Variants in MSH3 observed in about 807,000 individuals in gnomAD.
The protein encoded by MSH3 is DNA mismatch repair protein Msh3.
In MSH3, 106 loss-of-function variants were observed where a neutral mutation model predicts 123.3. That is an observed-to-expected ratio of 0.86 (90% CI 0.73 to 1.01). The LOEUF (loss-of-function observed/expected upper bound fraction) is 1.01. MSH3 is among the 50% of genes least tolerant of loss of function. The probability of loss-of-function intolerance (pLI) is 0.00; values close to 1 mark genes in which losing one functional copy is unlikely to be tolerated. For missense variants in MSH3, 1,459 were observed against 1,347.6 expected, an observed-to-expected ratio of 1.08 and a Z score of -1.29; for synonymous variants, 515 against 481.4, an observed-to-expected ratio of 1.07 and a Z score of -0.91.
In MSH3 at chr5:80,781,165, A is replaced by G. The variant is rs189767857; in HGVS notation, c.2435+2329A>G. ...TTTTCTATTTCACTTTTAATTTTCT[A>G]TTTTAAGGGTTTTCAGGGCCTTTGA... is the stretch of plus-strand genomic sequence containing the variant. On this transcript the variant is annotated intron_variant, in intron 17 of 23. Transcript: ENST00000265081. Among the ~76,000 whole-genome samples the G allele has an allele frequency of 3.4e-3, 520 of 152,128 alleles. 2 individuals carry two copies. The highest frequency in any genetic ancestry group is 0.012 in the African/African-American group (497 of 41,498).
At chr5:80,813,232 A>G (rs1419422108) in intron 19 of MSH3, among the ~76,000 whole-genome samples, 1 of 152,180 alleles carries the variant, frequency 6.6e-6, no homozygotes. Flanking sequence ...TAGATATGTA[A>G]TACCTGTTGT....
rs1033869568 is a variant in MSH3, at chr5:80,858,230, T to C, written c.3000+3914T>C. Among the ~76,000 whole-genome samples the C allele has an allele frequency of 8.6e-5, 13 of 151,966 alleles. 1 individual carries two copies. The highest frequency in any genetic ancestry group is 4.4e-5 in the Non-Finnish European group (3 of 67,958). ...CAGCTAATTTCACTTTTATTTTTTA[T>C]AGAGATTGGGGTCTCACTATGTTGC... On this transcript the variant is annotated intron_variant, in intron 21 of 23. Transcript: ENST00000265081.
intron 19 of MSH3, among the ~76,000 whole-genome samples, chr5:80,801,176 G>A (rs1744783280): frequency 6.6e-6 from 1 of 152,096 alleles, no homozygotes; most frequent in Admixed American, 6.5e-5. Context: ...TCTGGATGAG[G>A]GCTTTTAGCA....
At position 80,813,607 on chromosome 5, in the gene MSH3, A is replaced by G. The variant is rs747341239; in HGVS notation, c.2679A>G (p.Ile893Met). 1.2e-6 allele frequency: 2 copies of G among 1,614,168 alleles called. No individual in the cohort carries two copies. The highest frequency in any genetic ancestry group is 1.7e-6 in the Non-Finnish European group (2 of 1,180,026). Reference sequence around the variant, plus strand: ...AGGAGGACTCAGAGAGAGTAATGATAATTACCGGACCAAACATGGGTGGAA... The same window carrying G: ...AGGAGGACTCAGAGAGAGTAATGATGATTACCGGACCAAACATGGGTGGAA... ...DLSEDSERVM[I>M]ITGPNMGGKS... Residue 893 changes from isoleucine (I) to methionine (M), a missense_variant, in exon 20 of 24, where the codon ATA becomes ATG. Ile to Met is a conservative substitution (Grantham distance 10). Transcript: ENST00000265081.
At chr5:80,748,837 T>C (rs1743773459) in intron 12 of MSH3, among the ~76,000 whole-genome samples, 1 of 152,008 alleles carries the variant, frequency 6.6e-6, no homozygotes, top group African/African-American at 2.4e-5. Flanking sequence ...GAGTCTGTGT[T>C]CCAGACTCAT....
At chr5:80,819,523 A>G (rs1745167709) in intron 20 of MSH3, among the ~76,000 whole-genome samples, 4 of 149,576 alleles carry the variant, frequency 2.7e-5, no homozygotes, top group Admixed American at 1.3e-4. Context: ...CTGTCGCCCA[A>G]GCTGGAGTGC....
chr5:80,846,314 G>T (rs1257205255), intron 20 of MSH3, among the ~76,000 whole-genome samples: 1 of 151,778 alleles, frequency 6.6e-6, no homozygotes, highest in Non-Finnish European at 1.5e-5. Flanking sequence ...TGAGGTGTCT[G>T]TCGGTCCCTA....
intron 17 of MSH3, among the ~76,000 whole-genome samples, chr5:80,784,211 G>A (rs1392748357): frequency 5.1e-5 from 1 of 19,726 alleles, no homozygotes; most frequent in Non-Finnish European, 7.8e-5. Context: ...CTACTACGTC[G>A]CAAAAAAAAA....
chr5:80,809,605 A>T (rs957226100), intron 19 of MSH3, among the ~76,000 whole-genome samples: 1 of 152,212 alleles, frequency 6.6e-6, no homozygotes, highest in Admixed American at 6.5e-5. Context: ...CATTTGAGAC[A>T]GCTCCTTTAA....
intron 18 of MSH3, among the ~76,000 whole-genome samples, chr5:80,791,443 G>A (rs190048749): frequency 7.0e-4 from 106 of 152,248 alleles, no homozygotes; most frequent in Non-Finnish European, 1.1e-3. Context: ...TAGTATTTAT[G>A]AATGAATATG....
chr5:80,657,348 G>GGA (rs1320467249), intron 2 of MSH3, among the ~76,000 whole-genome samples: 1 of 152,210 alleles, frequency 6.6e-6, no homozygotes, highest in Admixed American at 6.5e-5. Flanking sequence ...GGTTGAGGCA[G>GGA]GAGAATCACT....
intron 18 of MSH3, 58 bp downstream of exon 18, chr5:80,787,730 A>G: frequency 8.8e-6 from 10 of 1,141,262 alleles, no homozygotes; most frequent in South Asian, 2.5e-5. Flanking sequence ...ACATTATTCA[A>G]TTAATTATAG....
intron 8 of MSH3, among the ~76,000 whole-genome samples, chr5:80,717,054 G>GA (rs1230595064): frequency 3.9e-5 from 6 of 152,062 alleles, no homozygotes; most frequent in Non-Finnish European, 8.8e-5. Flanking sequence ...TTTGGGGGGG[G>GA]CTGAATAGTA....
chr5:80,779,550 ATTT>A (rs750366394), intron 17 of MSH3, among the ~76,000 whole-genome samples: 6 of 138,210 alleles, frequency 4.3e-5, no homozygotes, highest in Non-Finnish European at 6.3e-5. Flanking sequence ...ATTAACATTA[ATTT>A]TTTTTTTTTT....
intron 2 of MSH3, among the ~76,000 whole-genome samples, chr5:80,660,270 A>G (rs183651796): frequency 5.3e-5 from 8 of 151,754 alleles, no homozygotes; most frequent in Non-Finnish European, 1.2e-4. Context: ...CACTTCTTAC[A>G]TGGCGGTGGC....
At chr5:80,840,170 C>G (rs892015753) in intron 20 of MSH3, among the ~76,000 whole-genome samples, 10 of 152,060 alleles carry the variant, frequency 6.6e-5, no homozygotes, top group Non-Finnish European at 1.3e-4. Flanking sequence ...TTTTCATAGG[C>G]TAGTTTAAAA....
chr5:80,842,287 A>G lies in MSH3; in HGVS notation c.2814-11843A>G, dbSNP rs180823770. On this transcript the variant is annotated intron_variant, in intron 20 of 23. Transcript: ENST00000265081. Reference sequence around the variant, plus strand: ...ATATATCTGTTTTGGTACCAGTACCATGCTGTTTTGGTTACTGTAGCCTTG... The same window carrying G: ...ATATATCTGTTTTGGTACCAGTACCGTGCTGTTTTGGTTACTGTAGCCTTG... Among the ~76,000 whole-genome samples the G allele has an allele frequency of 1.5e-3, 222 of 152,060 alleles. 1 individual carries two copies. The highest frequency in any genetic ancestry group is 5.2e-3 in the African/African-American group (217 of 41,336).
chr5:80,693,588 A>AGTTT (rs1221528348), intron 8 of MSH3, among the ~76,000 whole-genome samples: 1,254 of 103,668 alleles, frequency 0.012, 15 homozygotes, highest in South Asian at 0.031. Context: ...CATGTATATA[A>AGTTT]ATATATATAA....
At chr5:80,806,905 G>A (rs577901219) in intron 19 of MSH3, among the ~76,000 whole-genome samples, 2 of 152,126 alleles carry the variant, frequency 1.3e-5, no homozygotes, top group South Asian at 2.1e-4. Context: ...TTATCAATAC[G>A]TTCTTGGAAA....
Sources: gnomAD v4.1 joint callset for allele counts (sites outside exome capture counted in the v4.1 genomes callset) on GRCh38, gnomAD v4.1.1 for gene constraint, MANE v1.5 for transcripts, NCBI Gene and HGNC (gene_info 2026-07-23, HGNC 2026-07-21) for gene names.